Variants in PCLO observed in about 807,000 individuals in gnomAD.
PCLO encodes the protein protein piccolo.
In PCLO, 82 loss-of-function variants were observed where a neutral mutation model predicts 427.5. That is an observed-to-expected ratio of 0.19 (90% CI 0.16 to 0.23). The LOEUF is 0.23. Ranked by LOEUF, PCLO falls within the 10% of genes least tolerant of loss-of-function variation. The probability of loss-of-function intolerance (pLI) is 1.00; values close to 1 mark genes in which losing one functional copy is unlikely to be tolerated. For missense variants in PCLO, 6,239 were observed against 6,115.9 expected (o/e 1.02, Z -0.67); for synonymous variants, 2,357 against 2,155.4 (o/e 1.09, Z -2.59).
At chr7:83,069,070 G>T (rs1789741607) in intron 3 of PCLO, among the ~76,000 whole-genome samples, 1 of 152,156 alleles carries the variant, frequency 6.6e-6, no homozygotes, top group African/African-American at 2.4e-5. Flanking sequence ...TGTGGGAAAT[G>T]GGGAGATTTT....
At chr7:83,113,748 A>C (rs1791063020) in intron 3 of PCLO, among the ~76,000 whole-genome samples, 1 of 152,166 alleles carries the variant, frequency 6.6e-6, no homozygotes, top group South Asian at 2.1e-4. Flanking sequence ...ACAATAAATT[A>C]CTGAATGAAC....
chr7:82,939,646 A>AATAT (rs370300134), intron 6 of PCLO, among the ~76,000 whole-genome samples: 1 of 146,968 alleles, frequency 6.8e-6, no homozygotes. Flanking sequence ...TTCCACTGGA[A>AATAT]ATATATATAT....
intron 6 of PCLO, among the ~76,000 whole-genome samples, chr7:82,927,957 C>A (rs574101788): frequency 6.6e-6 from 1 of 152,144 alleles, no homozygotes; most frequent in African/African-American, 2.4e-5. Context: ...CTGTAAAAAT[C>A]ATTAATTAAA....
chr7:83,015,118 C>T (rs533978344), intron 3 of PCLO, among the ~76,000 whole-genome samples: 1 of 152,036 alleles, frequency 6.6e-6, no homozygotes, highest in Non-Finnish European at 1.5e-5. Context: ...AGATAAGATT[C>T]GGACCTAGGT....
chr7:82,935,583 G>T (rs1794933282), intron 6 of PCLO, among the ~76,000 whole-genome samples: 1 of 151,392 alleles, frequency 6.6e-6, no homozygotes, highest in South Asian at 2.1e-4. Context: ...TCTACACAAA[G>T]ATAAGTTTAA....
At chr7:83,058,207 A>T (rs1789450016) in intron 3 of PCLO, among the ~76,000 whole-genome samples, 1 of 152,332 alleles carries the variant, frequency 6.6e-6, no homozygotes, top group East Asian at 1.9e-4. Flanking sequence ...GTAGTTTGAA[A>T]TCAGGACAGT....
Position 83,156,346 on chromosome 7 carries a change from G to A in PCLO, c.295C>T (p.Pro99Ser), listed in dbSNP as rs146681103. ...TGAGCTGGACGCCCAGGGTCCGGGG[G>A]TCTTCCTGATTGCTTTGGAGGATGA... Reference protein sequence around the residue: ...SSHPPKQSGRPPDPGRPAQPG... With the variant: ...SSHPPKQSGRSPDPGRPAQPG... Residue 99 changes from proline to serine, a missense_variant, in exon 2 of 25, where the codon CCC becomes TCC. Pro to Ser is a moderately conservative substitution (Grantham distance 74). Transcript: ENST00000333891. 6.2e-7 allele frequency: 1 copy of A among 1,611,762 alleles called. No homozygotes were observed. Among genetic ancestry groups the A allele is most frequent in the Non-Finnish European group, 8.5e-7 (1 of 1,179,224 alleles).
chr7:83,038,025 A>ATATCTT, intron 3 of PCLO, among the ~76,000 whole-genome samples: 1 of 49,088 alleles, frequency 2.0e-5, no homozygotes, highest in Admixed American at 3.3e-4. Flanking sequence ...ATATATATAT[A>ATATCTT]TATATTTATA....
At chr7:82,794,536 A>G (rs377007875) in intron 22 of PCLO, among the ~76,000 whole-genome samples, 2 of 120,760 alleles carry the variant, frequency 1.7e-5, no homozygotes, top group African/African-American at 3.1e-5. Flanking sequence ...CAGTGGCACG[A>G]CCTCGGCTCA....
intron 6 of PCLO, among the ~76,000 whole-genome samples, chr7:82,941,327 T>C (rs1018923199): frequency 1.3e-5 from 2 of 152,116 alleles, no homozygotes; most frequent in African/African-American, 2.4e-5. Flanking sequence ...ACTTAAAACA[T>C]TTAGTAAAAG....
At chr7:83,126,434 T>A (rs1205842576) in intron 3 of PCLO, among the ~76,000 whole-genome samples, 1 of 152,104 alleles carries the variant, frequency 6.6e-6, no homozygotes, top group Non-Finnish European at 1.5e-5. Flanking sequence ...GACAACCCAG[T>A]TATCCTGATG....
chr7:82,800,139 T>C (rs1791312588), intron 22 of PCLO, among the ~76,000 whole-genome samples: 1 of 152,146 alleles, frequency 6.6e-6, no homozygotes, highest in African/African-American at 2.4e-5. Context: ...AAAGGAAACA[T>C]AGCTTTTGAA....
intron 7 of PCLO, chr7:82,914,429 A>C (rs932038821): frequency 1.2e-5 from 7 of 570,590 alleles, no homozygotes; most frequent in African/African-American, 1.9e-5. Flanking sequence ...GTTTTAGAAA[A>C]GCAGACACCA....
rs116075534 is a variant in PCLO at position 83,039,497 on chromosome 7, T to C, written c.3301-73010A>G. ...TCCCTACTGAATATTCTTGGCACTC[T>C]TGTCAAATATCAGTTGACCATAGGT... On this transcript the variant is annotated intron_variant, in intron 3 of 24. Coordinates refer to ENST00000333891, the MANE Select transcript of PCLO (RefSeq NM_033026.6). 9.1e-3 allele frequency among the ~76,000 whole-genome samples: 1,380 copies of C among 152,230 alleles called. 31 individuals are homozygous for C. Among genetic ancestry groups the C allele is most frequent in the African/African-American group, 0.03 (1,247 of 41,564 alleles).
intron 12 of PCLO, 128 bp from the exon 13 acceptor site, chr7:82,845,613 A>T (rs1792480704): frequency 1.5e-6 from 1 of 650,846 alleles, no homozygotes; most frequent in Non-Finnish European, 2.7e-6. Context: ...TTAAAAATGA[A>T]ATTAACTCTA....
intron 3 of PCLO, among the ~76,000 whole-genome samples, chr7:83,024,915 A>C (rs1418438320): frequency 1.3e-5 from 2 of 151,224 alleles, no homozygotes; most frequent in Admixed American, 1.3e-4. Context: ...AAGGAAAACT[A>C]ACAAACAGAA....
At chr7:83,041,458 A>C (rs2116212715) in intron 3 of PCLO, among the ~76,000 whole-genome samples, 1 of 152,298 alleles carries the variant, frequency 6.6e-6, no homozygotes, top group South Asian at 2.1e-4. Context: ...GCATCAGCTT[A>C]ACTTTCAATT....
chr7:82,762,434 ATCTCTAGGAATCCATT>A, intron 22 of PCLO, among the ~76,000 whole-genome samples: 1 of 152,200 alleles, frequency 6.6e-6, no homozygotes, highest in Admixed American at 6.6e-5. Context: ...TTCTGTTTAG[ATCTCTAGGAATCCATT>A]AAAGGTCTTT....
At chr7:83,093,282 T>C (rs1290663282) in intron 3 of PCLO, among the ~76,000 whole-genome samples, 1 of 151,360 alleles carries the variant, frequency 6.6e-6, no homozygotes, top group Non-Finnish European at 1.5e-5. Flanking sequence ...TTAAATACCA[T>C]TTATCTAACA....
Sources: allele counts gnomAD v4.1 joint callset (sites outside exome capture counted in the v4.1 genomes callset), GRCh38; gene constraint gnomAD v4.1.1; transcripts MANE v1.5; gene names NCBI Gene and HGNC (gene_info 2026-07-23, HGNC 2026-07-21).